Variants in SYT6 observed in about 807,000 individuals in gnomAD.
SYT6 encodes the protein synaptotagmin-6.
Under a neutral mutation model 38.4 loss-of-function variants are expected in SYT6, and 24 were observed. The observed-to-expected ratio is 0.62, with a 90% CI of 0.45 to 0.88. The LOEUF (loss-of-function observed/expected upper bound fraction) is 0.88. SYT6 is among the 40% of genes least tolerant of loss of function. SYT6 has a pLI of 0.00. For missense variants in SYT6, 611 were observed against 621.0 expected, an observed-to-expected ratio of 0.98 and a Z score of 0.17; for synonymous variants, 265 against 241.9, an observed-to-expected ratio of 1.10 and a Z score of -0.89.
chr1:114,117,639 A>G (rs1677078834), intron 3 of SYT6, among the ~76,000 whole-genome samples: 1 of 152,200 alleles, frequency 6.6e-6, no homozygotes, highest in South Asian at 2.1e-4. Context: ...CCTACCCAGC[A>G]GCGCCTTCAA....
Position 114,119,296 on chromosome 1 carries a change from A to G in SYT6, c.1072-15575T>C, listed in dbSNP as rs17032374. Among the ~76,000 whole-genome samples the G allele has an allele frequency of 1.9e-3, 283 of 152,174 alleles. 2 individuals are homozygous for G. The highest frequency in any genetic ancestry group is 6.6e-3 in the African/African-American group (273 of 41,512). On this transcript the variant is annotated intron_variant, in intron 3 of 7. Coordinates refer to ENST00000610222, the MANE Select transcript of SYT6 (RefSeq NM_001253772.2). ...TCCCTTTCTCTTACTTTCCAATTCC[A>G]TCCCACAAGTATAAATTGAGTACCT...
chr1:114,152,452 C>T (rs1174255167), intron 1 of SYT6: 1 of 152,428 alleles, frequency 6.6e-6, no homozygotes, highest in Non-Finnish European at 1.5e-5. Context: ...CAGGATCTCC[C>T]CACCCCCACT....
intron 1 of SYT6, chr1:114,153,062 G>C (rs1447931283): frequency 8.0e-6 from 1 of 125,060 alleles, no homozygotes; most frequent in African/African-American, 3.0e-5. Flanking sequence ...ACTCGCAGCC[G>C]GAGAGACACC....
intron 2 of SYT6, among the ~76,000 whole-genome samples, chr1:114,138,313 CAT>C (rs1678634325): frequency 1.3e-5 from 2 of 152,166 alleles, no homozygotes; most frequent in Admixed American, 6.5e-5. Context: ...CCATTGTTAT[CAT>C]AATCACTTTT....
At chr1:114,104,100 C>T (rs915367768) in intron 3 of SYT6, among the ~76,000 whole-genome samples, 2 of 152,210 alleles carry the variant, frequency 1.3e-5, no homozygotes, top group Non-Finnish European at 2.9e-5. Context: ...AGTCACTGAC[C>T]CCCTTGACTT....
intron 1 of SYT6, among the ~76,000 whole-genome samples, chr1:114,148,997 AGGAGAGG>A (rs1207330182): frequency 6.6e-6 from 1 of 152,056 alleles, no homozygotes; most frequent in Admixed American, 6.6e-5. Context: ...AGTTGTACTC[AGGAGAGG>A]ATGGGAGGGA....
chr1:114,115,583 A>G (rs1676946053), intron 3 of SYT6, among the ~76,000 whole-genome samples: 1 of 151,644 alleles, frequency 6.6e-6, no homozygotes, highest in South Asian at 2.1e-4. Context: ...TGCCGGGCTG[A>G]TTTTTGTATT....
At position 114,099,284 on chromosome 1, in the gene SYT6, A is replaced by G. The variant is rs1482260569; in HGVS notation, c.1193-19T>C. 1.9e-6 allele frequency: 3 copies of G among 1,603,060 alleles called. No individual in the cohort carries two copies. The highest frequency in any genetic ancestry group is 2.7e-5 in the African/African-American group (2 of 74,572). On this transcript the variant is annotated intron_variant, in intron 4 of 7. Coordinates refer to ENST00000610222, the MANE Select transcript of SYT6 (RefSeq NM_001253772.2). ...TAGGGATCTGTGCCAATGGGGACAG[A>G]GAAAAGGGAATGGAGTATGTTAAAC...
At chr1:114,114,479 G>T (rs1395166856) in intron 3 of SYT6, among the ~76,000 whole-genome samples, 1 of 152,208 alleles carries the variant, frequency 6.6e-6, no homozygotes, top group African/African-American at 2.4e-5. Flanking sequence ...CTCAGCCTCA[G>T]CCTCTGGTCT....
Position 114,099,173 on chromosome 1 carries a change from T to C in SYT6, c.1285A>G (p.Asn429Asp). The part of the protein sequence containing the change: ...IKKNTLNPVY[N>D]EAIIFDIPPE... ...GGAATGTCAAAGATGATGGCCTCAT[T>C]GTAGACAGGATTGAGAGTGTTTTTC... The change falls in exon 5 of 8, where the codon AAT becomes GAT. Residue 429 changes from asparagine (N) to aspartate (D), a missense_variant. Physicochemically the swap from Asn to Asp is conservative, Grantham distance 23. Transcript: ENST00000610222. The C allele has an allele frequency of 2.5e-6, 4 of 1,614,188 alleles. No homozygotes were observed. The highest frequency in any genetic ancestry group is 3.4e-6 in the Non-Finnish European group (4 of 1,180,018).
In SYT6 at chr1:114,137,548, A is replaced by C. The variant is rs1233609444; in HGVS notation, c.1018T>G (p.Ser340Ala). 1.2e-6 allele frequency: 2 copies of C among 1,614,246 alleles called. No individual in the cohort carries two copies. The highest frequency in any genetic ancestry group is 2.2e-5 in the South Asian group (2 of 91,078). ...EVILDNLFEA[S>A]DLSRETSIWK... is the part of the protein sequence containing the mutation. ...ATGGAGGTTTCCCGAGACAGGTCAG[A>C]GGCCTCAAAGAGGTTGTCCAGGATG... is the stretch of plus-strand genomic sequence containing the variant. Residue 340 changes from serine to alanine, a missense_variant, in exon 3 of 8, where the codon TCT (serine) becomes GCT (alanine). Transcript: ENST00000610222.
intron 6 of SYT6, among the ~76,000 whole-genome samples, chr1:114,094,584 T>A (rs918813113): frequency 1.3e-5 from 2 of 152,168 alleles, no homozygotes; most frequent in African/African-American, 4.8e-5. Context: ...GAAAGACACC[T>A]TTTCAGTTAA....
intron 3 of SYT6, among the ~76,000 whole-genome samples, chr1:114,115,816 C>G (rs1676960363): frequency 6.6e-6 from 1 of 152,056 alleles, no homozygotes; most frequent in Non-Finnish European, 1.5e-5. Flanking sequence ...AATAACTTGC[C>G]TAGGGTCTCA....
intron 1 of SYT6, among the ~76,000 whole-genome samples, chr1:114,151,427 C>T (rs534750159): frequency 6.6e-6 from 1 of 152,188 alleles, no homozygotes; most frequent in Non-Finnish European, 1.5e-5. Context: ...ACCCCTCAGG[C>T]TTTTCTCACC....
chr1:114,129,563 CTTTT>C lies in SYT6; in HGVS notation c.1071+7928_1071+7931del, dbSNP rs1183994073. ...CTTTTTTTTCTGTCTTTTTTTCTTT[CTTTT>C]CTTTCTTTCTTTCTTTCTTTCTTTC... On this transcript the variant is annotated intron_variant, in intron 3 of 7. Transcript: ENST00000610222. Among the ~76,000 whole-genome samples, 243 of 124,562 alleles carry C rather than the reference CTTTT, an allele frequency of 2.0e-3. 1 individual carries two copies. Among genetic ancestry groups the C allele is most frequent in the African/African-American group, 6.8e-3 (225 of 32,896 alleles). 81.7% of individuals were successfully genotyped at this position (124,562 alleles called of 152,430 possible). A position where few individuals can be genotyped will look rare whatever the true frequency, so the allele number is the denominator to read the frequency against.
In SYT6 at chr1:114,153,603, C is replaced by T. The variant is rs1679558040; in HGVS notation, c.163+7G>A. On this transcript the variant is annotated splice_region_variant and intron_variant, in intron 1 of 7. Transcript: ENST00000610222. ...AGGAAGGGAGGGGGCCCTGGGTCTC[C>T]CGTTACCTGCGCCTGCCGCGCTGGG... The T allele has an allele frequency of 3.4e-6, 2 of 596,746 alleles. No homozygotes were observed. Among genetic ancestry groups the T allele is most frequent in the East Asian group, 3.3e-5 (1 of 30,442 alleles). The allele number at this position is 596,746 out of a possible 1,614,324, so 37.0% of individuals were successfully genotyped here.
intron 3 of SYT6, among the ~76,000 whole-genome samples, chr1:114,108,010 C>T (rs541605828): frequency 5.3e-5 from 8 of 152,304 alleles, no homozygotes; most frequent in Middle Eastern, 3.4e-3. Context: ...CAGAAACCAG[C>T]GTAGCCCTCT....
intron 3 of SYT6, among the ~76,000 whole-genome samples, chr1:114,122,031 T>C (rs778064306): frequency 1.3e-5 from 2 of 152,192 alleles, no homozygotes; most frequent in Non-Finnish European, 2.9e-5. Context: ...TGACTCCAAC[T>C]CTTGCTTACC....
intron 6 of SYT6, 49 bp downstream of exon 6, chr1:114,097,678 C>T: frequency 6.3e-7 from 1 of 1,599,880 alleles, no homozygotes; most frequent in Non-Finnish European, 8.5e-7. Flanking sequence ...ATTCTCCAGC[C>T]CACACTGCCA....
Sources: gnomAD v4.1 joint callset for allele counts (sites outside exome capture counted in the v4.1 genomes callset) on GRCh38, gnomAD v4.1.1 for gene constraint, MANE v1.5 for transcripts, NCBI Gene and HGNC (gene_info 2026-07-23, HGNC 2026-07-21) for gene names.